PLCG2: variants seen among roughly 807,000 people sequenced by gnomAD.
PLCG2 encodes 1-phosphatidylinositol 4,5-bisphosphate phosphodiesterase gamma-2.
PLCG2 carries 69 observed loss-of-function variants against 175.6 expected under a neutral mutation model. The observed-to-expected ratio is 0.39, with a 90% CI of 0.32 to 0.48. PLCG2 has a LOEUF of 0.48. Among genes scored for constraint, PLCG2 ranks in the 20% least tolerant of loss-of-function variants. The pLI is 0.91. For synonymous variants in PLCG2, 827 were observed against 624.0 expected (o/e 1.33, Z -4.85); for missense variants, 1,798 against 1,650.9 (o/e 1.09, Z -1.54).
chr16:81,877,185 T>C (rs1163751928), intron 7 of PLCG2, among the ~76,000 whole-genome samples: 3 of 152,228 alleles, frequency 2.0e-5, no homozygotes, highest in Non-Finnish European at 4.4e-5. Flanking sequence ...TCGGGCACGG[T>C]GGCTCACGCC....
intron 5 of PLCG2, among the ~76,000 whole-genome samples, chr16:81,865,985 C>T (rs1332457902): frequency 7.4e-6 from 1 of 134,914 alleles, no homozygotes; most frequent in African/African-American, 2.9e-5. Flanking sequence ...GGGGCACCAG[C>T]GTGAGAGGAC....
At chr16:81,938,744 C>G in intron 28 of PLCG2, 57 bp from the exon 29 acceptor site, 1 of 1,027,850 alleles carries the variant, frequency 9.7e-7, no homozygotes, top group Non-Finnish European at 1.5e-6. Flanking sequence ...GCAATCCACG[C>G]TAGGCTGCCT....
intron 2 of PLCG2, among the ~76,000 whole-genome samples, chr16:81,787,530 G>T (rs1911031860): frequency 8.3e-6 from 1 of 121,002 alleles, no homozygotes; most frequent in African/African-American, 3.3e-5. Context: ...ACCCAGCCTT[G>T]CACTCTTTTT....
chr16:81,855,594 G>T (rs949194573), intron 3 of PLCG2, among the ~76,000 whole-genome samples: 1 of 152,198 alleles, frequency 6.6e-6, no homozygotes, highest in Non-Finnish European at 1.5e-5. Context: ...GAAGATGAAT[G>T]GGACCTGGTG....
At chr16:81,760,943 A>G (rs944313921) in intron 2 of PLCG2, among the ~76,000 whole-genome samples, 3 of 152,008 alleles carry the variant, frequency 2.0e-5, no homozygotes, top group Non-Finnish European at 4.4e-5. Context: ...TCACTCTGTC[A>G]CCCAGGCTAG....
At chr16:81,872,877 G>C (rs1005781856) in intron 7 of PLCG2, among the ~76,000 whole-genome samples, 5 of 152,226 alleles carry the variant, frequency 3.3e-5, no homozygotes, top group African/African-American at 1.2e-4. Flanking sequence ...AATGTTCCTA[G>C]AAGACAGTCA....
intron 1 of PLCG2, among the ~76,000 whole-genome samples, chr16:81,743,620 G>C (rs1352353721): frequency 2.0e-5 from 3 of 152,198 alleles, no homozygotes; most frequent in African/African-American, 7.2e-5. Context: ...GCTTTTATTG[G>C]AACTGGTGGG....
At chr16:81,904,572 C>T (rs541241825) in intron 14 of PLCG2, among the ~76,000 whole-genome samples, 1 of 152,308 alleles carries the variant, frequency 6.6e-6, no homozygotes, top group Non-Finnish European at 1.5e-5. Context: ...ATTGGGTCCC[C>T]CGCCACCCTG....
chr16:81,923,231 T>TCCTAACCCCTAACC (rs66849768), intron 21 of PLCG2, among the ~76,000 whole-genome samples: 1 of 151,376 alleles, frequency 6.6e-6, no homozygotes, highest in African/African-American at 2.4e-5. Context: ...AAACCCTAAC[T>TCCTAACCCCTAACC]CCTAACCCCT....
chr16:81,757,349 A>C (rs1459944408), intron 2 of PLCG2, among the ~76,000 whole-genome samples: 2 of 152,196 alleles, frequency 1.3e-5, no homozygotes, highest in Non-Finnish European at 2.9e-5. Context: ...CTCATAGAAA[A>C]AAAAGCTGTT....
chr16:81,885,324 C>G (rs1419163494), intron 9 of PLCG2, among the ~76,000 whole-genome samples: 1 of 79,506 alleles, frequency 1.3e-5, no homozygotes, highest in Non-Finnish European at 2.6e-5. Flanking sequence ...ACGCCCAGCC[C>G]CGACTAATTT....
intron 2 of PLCG2, among the ~76,000 whole-genome samples, chr16:81,840,372 T>TG (rs1294454047): frequency 1.3e-5 from 2 of 152,148 alleles, no homozygotes; most frequent in African/African-American, 4.8e-5. Flanking sequence ...CAGATTGGCC[T>TG]GGGGGGATAG....
Position 81,959,072 on chromosome 16 carries a change from A to G in PLCG2, c.*1074A>G, listed in dbSNP as rs1224717127. The G allele has an allele frequency of 8.1e-5, 18 of 223,542 alleles. No homozygotes were observed. The highest frequency in any genetic ancestry group is 1.3e-4 in the African/African-American group (6 of 44,806). The allele number at this position is 223,542 out of a possible 1,614,324, so 13.8% of individuals were successfully genotyped here. A position where few individuals can be genotyped will look rare whatever the true frequency, so the allele number is the denominator to read the frequency against. On this transcript the variant is annotated 3_prime_UTR_variant, in exon 33 of 33. Transcript: ENST00000564138. Reference sequence around the variant, plus strand: ...TCTGCATCTTAAGTTGTTAATACATACCAATAATGTAATATGGCTTTTTAA... The same window carrying G: ...TCTGCATCTTAAGTTGTTAATACATGCCAATAATGTAATATGGCTTTTTAA...
intron 2 of PLCG2, among the ~76,000 whole-genome samples, chr16:81,836,346 C>G (rs1299432294): frequency 1.3e-5 from 2 of 152,168 alleles, no homozygotes. Context: ...GCCATGGACT[C>G]GTATTCCCAC....
intron 2 of PLCG2, among the ~76,000 whole-genome samples, chr16:81,846,599 C>T (rs775538887): frequency 4.6e-5 from 7 of 152,204 alleles, no homozygotes; most frequent in Non-Finnish European, 7.3e-5. Flanking sequence ...CAAGTACATC[C>T]AGCAGAACAT....
At chr16:81,792,350 C>T (rs1409996485) in intron 2 of PLCG2, among the ~76,000 whole-genome samples, 3 of 151,860 alleles carry the variant, frequency 2.0e-5, no homozygotes, top group Non-Finnish European at 4.4e-5. Context: ...GGTGTAGTGG[C>T]ACATGCCTGT....
intron 2 of PLCG2, among the ~76,000 whole-genome samples, chr16:81,836,343 A>T (rs1905515436): frequency 6.6e-6 from 1 of 152,024 alleles, no homozygotes; most frequent in Non-Finnish European, 1.5e-5. Flanking sequence ...TCAGCCATGG[A>T]CTCGTATTCC....
chr16:81,810,400 C>T (rs1227927115), intron 2 of PLCG2, among the ~76,000 whole-genome samples: 10 of 152,224 alleles, frequency 6.6e-5, no homozygotes, highest in African/African-American at 2.2e-4. Flanking sequence ...TCGTTATTTG[C>T]AGCATCAGTA....
chr16:81,790,351 A>T (rs962788032), intron 2 of PLCG2, among the ~76,000 whole-genome samples: 1 of 152,182 alleles, frequency 6.6e-6, no homozygotes, highest in Non-Finnish European at 1.5e-5. Context: ...CATGCAGTGG[A>T]GGTCCTGTTT....
Sources: allele counts gnomAD v4.1 joint callset (sites outside exome capture counted in the v4.1 genomes callset), GRCh38; gene constraint gnomAD v4.1.1; transcripts MANE v1.5; gene names NCBI Gene and HGNC (gene_info 2026-07-23, HGNC 2026-07-21).